Variants in EPHA6 observed in about 807,000 individuals in gnomAD.
EPHA6 encodes ephrin type-A receptor 6.
A neutral mutation model predicts 112.0 loss-of-function variants in EPHA6; 50 were observed. That is an observed-to-expected ratio of 0.45 (90% CI 0.36 to 0.56). The LOEUF (loss-of-function observed/expected upper bound fraction) is 0.56, where lower values mean the gene tolerates loss of function less well. Ranked by LOEUF, EPHA6 falls within the 20% of genes least tolerant of loss-of-function variation. The pLI, the probability that EPHA6 is intolerant of heterozygous loss-of-function variation, is 0.00. For synonymous variants in EPHA6, 529 were observed against 490.7 expected (o/e 1.08, Z -1.03); for missense variants, 1,280 against 1,417.4 (o/e 0.90, Z 1.56).
chr3:97,570,146 G>T (rs1183296599), intron 11 of EPHA6, among the ~76,000 whole-genome samples: 1 of 151,982 alleles, frequency 6.6e-6, no homozygotes, highest in Non-Finnish European at 1.5e-5. Flanking sequence ...ATACAATTTT[G>T]TTTTACAGTA....
At chr3:97,501,289 G>T (rs1219170537) in intron 10 of EPHA6, among the ~76,000 whole-genome samples, 2 of 151,948 alleles carry the variant, frequency 1.3e-5, no homozygotes, top group African/African-American at 4.8e-5. Flanking sequence ...AGTAAAGCTG[G>T]AAGATCTGAA....
At chr3:97,352,329 A>C (rs2108898348) in intron 5 of EPHA6, among the ~76,000 whole-genome samples, 1 of 152,286 alleles carries the variant, frequency 6.6e-6, no homozygotes, top group East Asian at 1.9e-4. Context: ...CTTCATAAGA[A>C]TCAAAAATCA....
At chr3:97,606,784 C>T (rs2107440569) in intron 12 of EPHA6, among the ~76,000 whole-genome samples, 1 of 151,106 alleles carries the variant, frequency 6.6e-6, no homozygotes, top group Middle Eastern at 3.4e-3. Flanking sequence ...TATTATCAAA[C>T]CAATTTGAGA....
intron 12 of EPHA6, among the ~76,000 whole-genome samples, chr3:97,603,092 A>G (rs2093655146): frequency 6.6e-6 from 1 of 152,072 alleles, no homozygotes; most frequent in Admixed American, 6.6e-5. Flanking sequence ...GACATTCTTA[A>G]AAACTCATTT....
intron 11 of EPHA6, among the ~76,000 whole-genome samples, chr3:97,553,447 C>T (rs2093057634): frequency 6.6e-6 from 1 of 152,084 alleles, no homozygotes; most frequent in African/African-American, 2.4e-5. Flanking sequence ...TTAATTGACT[C>T]ACAGTTCTGC....
intron 7 of EPHA6, among the ~76,000 whole-genome samples, chr3:97,469,917 T>C (rs947720541): frequency 1.3e-5 from 2 of 151,614 alleles, no homozygotes; most frequent in Non-Finnish European, 1.5e-5. Flanking sequence ...TCACTGGTAA[T>C]AGAGGCAGGA....
chr3:97,528,331 G>T (rs1433358449), intron 10 of EPHA6, among the ~76,000 whole-genome samples: 1 of 152,130 alleles, frequency 6.6e-6, no homozygotes, highest in East Asian at 1.9e-4. Flanking sequence ...AGGGCCTGTT[G>T]GTGCTGGGAG....
At chr3:96,918,907 A>T (rs1454626025) in intron 2 of EPHA6, among the ~76,000 whole-genome samples, 1 of 152,010 alleles carries the variant, frequency 6.6e-6, no homozygotes, top group Non-Finnish European at 1.5e-5. Flanking sequence ...ATAAAACTTA[A>T]ATTACTTATG....
At chr3:97,074,685 T>G (rs979813988) in intron 3 of EPHA6, among the ~76,000 whole-genome samples, 1 of 152,012 alleles carries the variant, frequency 6.6e-6, no homozygotes, top group African/African-American at 2.4e-5. Context: ...TCCAAGGATA[T>G]TTTTTGTTCT....
At chr3:97,244,353 T>C in intron 5 of EPHA6, 66 bp downstream of exon 5, 3 of 1,354,996 alleles carry the variant, frequency 2.2e-6, no homozygotes, top group East Asian at 4.6e-5. Flanking sequence ...ATATCCCTCA[T>C]GGGCATGTAT....
In EPHA6 at chr3:97,010,021, T is replaced by A. The variant is rs539238257; in HGVS notation, c.1114+22028T>A. On this transcript the variant is annotated intron_variant, in intron 3 of 17. Coordinates refer to ENST00000389672, the MANE Select transcript of EPHA6 (RefSeq NM_001080448.3). ...TTTGATAGGAGCCTCCAAAGGCCGC[T>A]GCTTCTAGTTGGCCATCTTGGCCCC... is the stretch of plus-strand genomic sequence containing the variant. 68 of 1,216,222 alleles carry A rather than the reference T, an allele frequency of 5.6e-5. No homozygotes were observed. In the African/African-American group the frequency reaches 9.8e-4, roughly 17 times the overall value. 75.3% of individuals were successfully genotyped at this position (1,216,222 alleles called of 1,614,324 possible). A position where few individuals can be genotyped will look rare whatever the true frequency, so the allele number is the denominator to read the frequency against.
intron 5 of EPHA6, among the ~76,000 whole-genome samples, chr3:97,372,181 G>T (rs553335924): frequency 6.6e-6 from 1 of 152,118 alleles, no homozygotes; most frequent in Non-Finnish European, 1.5e-5. Flanking sequence ...GGCTTGGGGG[G>T]CATCACAGAA....
At chr3:97,654,636 G>A (rs2094127167) in intron 14 of EPHA6, among the ~76,000 whole-genome samples, 1 of 151,834 alleles carries the variant, frequency 6.6e-6, no homozygotes, top group Admixed American at 6.6e-5. Context: ...GAAAAGATTT[G>A]AAGTCAGAAT....
intron 10 of EPHA6, among the ~76,000 whole-genome samples, chr3:97,520,619 C>T (rs1277696857): frequency 6.6e-6 from 1 of 152,144 alleles, no homozygotes; most frequent in African/African-American, 2.4e-5. Context: ...GGACACTTTT[C>T]TTTTGCTGTT....
intron 14 of EPHA6, 68 bp downstream of exon 14, chr3:97,638,150 T>A: frequency 8.8e-7 from 1 of 1,133,544 alleles, no homozygotes; most frequent in South Asian, 1.6e-5. Flanking sequence ...ATTAGAGTAA[T>A]TCTGTTTCTG....
intron 10 of EPHA6, among the ~76,000 whole-genome samples, chr3:97,497,155 T>A (rs1181798352): frequency 6.6e-6 from 1 of 152,196 alleles, no homozygotes; most frequent in Non-Finnish European, 1.5e-5. Flanking sequence ...TGTCCCTCTC[T>A]GCTCAAAACC....
intron 2 of EPHA6, among the ~76,000 whole-genome samples, chr3:96,964,658 T>C (rs1260848291): frequency 6.6e-6 from 1 of 152,204 alleles, no homozygotes; most frequent in Non-Finnish European, 1.5e-5. Context: ...TATTTATCCC[T>C]AATGATTATC....
At chr3:97,381,900 G>A (rs534942227) in intron 5 of EPHA6, among the ~76,000 whole-genome samples, 33 of 152,056 alleles carry the variant, frequency 2.2e-4, no homozygotes, top group African/African-American at 6.5e-4. Context: ...AACATGGGAC[G>A]CACTTAATAA....
intron 5 of EPHA6, among the ~76,000 whole-genome samples, chr3:97,396,694 A>G (rs2086714652): frequency 6.6e-6 from 1 of 151,560 alleles, no homozygotes; most frequent in Non-Finnish European, 1.5e-5. Context: ...CAATTGCTCA[A>G]CTCCTGTGAG....
Sources: allele counts gnomAD v4.1 joint callset (sites outside exome capture counted in the v4.1 genomes callset), GRCh38; gene constraint gnomAD v4.1.1; transcripts MANE v1.5; gene names NCBI Gene and HGNC (gene_info 2026-07-23, HGNC 2026-07-21).